Variants in BOD1 observed in about 807,000 individuals in gnomAD.
BOD1 encodes biorientation of chromosomes in cell division 1, also known as biorientation of chromosomes in cell division protein 1.
In BOD1, 11 loss-of-function variants were observed where a neutral mutation model predicts 15.7. The observed-to-expected ratio is 0.70, with a 90% CI of 0.44 to 1.16. The LOEUF (loss-of-function observed/expected upper bound fraction) is 1.16. BOD1 is among the 50% of genes most tolerant of loss of function. The pLI, the probability that BOD1 is intolerant of heterozygous loss-of-function variation, is 0.00. For missense variants in BOD1, 182 were observed against 244.5 expected (o/e 0.74, Z 1.70); for synonymous variants, 105 against 103.5 (o/e 1.01, Z -0.09).
chr5:173,613,190 T>A lies in BOD1; in HGVS notation c.303A>T (p.Glu101Asp). The change falls in exon 2 of 4, where the codon GAA becomes GAT. Residue 101 changes from glutamate to aspartate, a missense_variant. Transcript: ENST00000311086. Reference protein sequence around the residue: ...NFVSTHLDKQEWNPTMNKNQL... With the variant: ...NFVSTHLDKQDWNPTMNKNQL... ...GGTTTTTGTTCATCGTAGGATTCCA[T>A]TCCTGCTTGTCCAGATGTGTTGACA... The A allele has an allele frequency of 6.2e-7, 1 of 1,614,186 alleles. No individual in the cohort carries two copies. Among genetic ancestry groups the A allele is most frequent in the Admixed American group, 1.7e-5 (1 of 60,028 alleles).
At chr5:173,608,634 C>T (rs1231369010) in intron 3 of BOD1, among the ~76,000 whole-genome samples, 1 of 152,246 alleles carries the variant, frequency 6.6e-6, no homozygotes, top group Non-Finnish European at 1.5e-5. Context: ...CTGCTAACTT[C>T]ATCGCTGCTC....
chr5:173,612,877 C>T (rs10053923), intron 2 of BOD1, among the ~76,000 whole-genome samples: 15,868 of 152,254 alleles, frequency 0.1, 1,308 homozygotes, highest in African/African-American at 0.23. Flanking sequence ...AAATGTCTCA[C>T]GATTTGGAAT....
intron 2 of BOD1, among the ~76,000 whole-genome samples, chr5:173,612,319 T>C (rs1755375275): frequency 1.3e-5 from 2 of 152,206 alleles, no homozygotes; most frequent in South Asian, 2.1e-4. Context: ...TAGTGCAATA[T>C]CAAAACCAGG....
chr5:173,615,100 T>C (rs1196728255), intron 1 of BOD1, among the ~76,000 whole-genome samples: 1 of 152,232 alleles, frequency 6.6e-6, no homozygotes, highest in Non-Finnish European at 1.5e-5. Flanking sequence ...AATACAGATC[T>C]GGGATGTATA....
Position 173,613,032 on chromosome 5 carries a change from A to C in BOD1, c.362+99T>G, listed in dbSNP as rs142560932. 6.4e-4 allele frequency: 897 copies of C among 1,408,416 alleles called. 8 individuals are homozygous for C. The African/African-American group carries it at 0.012, about 18-fold the overall frequency. The allele number at this position is 1,408,416 out of a possible 1,614,324, so 87.2% of individuals were successfully genotyped here. A position where few individuals can be genotyped will look rare whatever the true frequency, so the allele number is the denominator to read the frequency against. Reference sequence around the variant, plus strand: ...GCAACTCCTAAGTGATACTTGATATAAAGTCCCATCAACCTTGACTAAACA... The same window carrying C: ...GCAACTCCTAAGTGATACTTGATATCAAGTCCCATCAACCTTGACTAAACA... On this transcript the variant is annotated intron_variant, in intron 2 of 3. Transcript: ENST00000311086.
chr5:173,613,684 CAA>C (rs966477523), intron 1 of BOD1, among the ~76,000 whole-genome samples: 1 of 152,202 alleles, frequency 6.6e-6, no homozygotes, highest in Non-Finnish European at 1.5e-5. Flanking sequence ...ATTACTGCGG[CAA>C]AGTTTGCTAA....
rs759545055 is a variant in BOD1 at position 173,609,250 on chromosome 5, C to G, written c.547G>C (p.Asp183His). 2.2e-5 allele frequency: 35 copies of G among 1,613,654 alleles called. No individual in the cohort carries two copies. In the Middle Eastern group the frequency reaches 4.9e-4, roughly 23 times the overall value. The change falls in exon 3 of 4, where the codon GAC becomes CAC. Residue 183 changes from aspartate to histidine, a missense_variant. Asp to His is a moderately conservative substitution (Grantham distance 81). Around this residue, in one of 3 missense-constraint regions of BOD1, gnomAD observed 40 missense variants for 45.3 expected, o/e 0.88. Coordinates refer to ENST00000311086, the MANE Select transcript of BOD1 (RefSeq NM_138369.3). Reference sequence around the variant, plus strand: ...TAGGATACTGGACCTTAGGAAGTGTCCTGAGATGGAGCTGGAGGGTCCTGG... The same window carrying G: ...TAGGATACTGGACCTTAGGAAGTGTGCTGAGATGGAGCTGGAGGGTCCTGG... The part of the protein sequence containing the change: ...EGQDPPAPSQ[D>H]TS
rs558481124 is a variant in BOD1 at position 173,609,591 on chromosome 5, C to T, written c.363-157G>A. 7.9e-5 allele frequency: 53 copies of T among 667,198 alleles called. 1 individual carries two copies. In the Middle Eastern group the frequency reaches 4.1e-3, roughly 51 times the overall value. 41.3% of individuals were successfully genotyped at this position (667,198 alleles called of 1,614,324 possible). On this transcript the variant is annotated intron_variant, in intron 2 of 3. Coordinates refer to ENST00000311086, the MANE Select transcript of BOD1 (RefSeq NM_138369.3). ...CAATCCACTTACCATATACAGCTCA[C>T]GCTATTTTCACTTTTGAGGGGTAAT...
chr5:173,616,577 G>C lies in BOD1; in HGVS notation c.-141C>G, dbSNP rs982576427. 1.5e-6 allele frequency: 2 copies of C among 1,371,896 alleles called. No homozygotes were observed. Among genetic ancestry groups the C allele is most frequent in the African/African-American group, 3.1e-5 (2 of 64,760 alleles). 85.0% of individuals were successfully genotyped at this position (1,371,896 alleles called of 1,614,324 possible). On this transcript the variant is annotated 5_prime_UTR_variant, in exon 1 of 4. Coordinates refer to ENST00000311086, the MANE Select transcript of BOD1 (RefSeq NM_138369.3). ...AGCGGCGGAGGTGGCGATGGCGGCAGGGGCGGTGGTGGGGGCGGCGGCGGC... is the reference window on the plus strand; with the variant it reads ...AGCGGCGGAGGTGGCGATGGCGGCACGGGCGGTGGTGGGGGCGGCGGCGGC...
Position 173,616,569 on chromosome 5 carries a change from T to TGGCGGCAGGGGCGGTGGTGGGGGC in BOD1, c.-157_-134dup. On this transcript the variant is annotated 5_prime_UTR_variant, in exon 1 of 4. Transcript: ENST00000311086. Reference sequence around the variant, plus strand: ...AAGGCGGCAGCGGCGGAGGTGGCGATGGCGGCAGGGGCGGTGGTGGGGGCG... The same window carrying TGGCGGCAGGGGCGGTGGTGGGGGC: ...AAGGCGGCAGCGGCGGAGGTGGCGATGGCGGCAGGGGCGGTGGTGGGGGCGGCGGCAGGGGCGGTGGTGGGGGCG... 1.5e-6 allele frequency: 2 copies of TGGCGGCAGGGGCGGTGGTGGGGGC among 1,376,646 alleles called. No individual in the cohort carries two copies. Among genetic ancestry groups the TGGCGGCAGGGGCGGTGGTGGGGGC allele is most frequent in the Non-Finnish European group, 1.9e-6 (2 of 1,071,738 alleles). The allele number at this position is 1,376,646 out of a possible 1,614,324, so 85.3% of individuals were successfully genotyped here.
In BOD1 at chr5:173,607,959, A is replaced by G. The variant is rs1270642622; in HGVS notation, c.*335T>C. The G allele has an allele frequency of 2.9e-6, 1 of 340,460 alleles. No homozygotes were observed. 21.1% of individuals were successfully genotyped at this position (340,460 alleles called of 1,614,324 possible). The stretch of plus-strand genomic sequence containing the variant: ...TAGCTTCCGTTTATCCCACAGCACA[A>G]ACCCTAAAGTCCATGTGCAGTCTCC... On this transcript the variant is annotated 3_prime_UTR_variant, in exon 4 of 4. Coordinates refer to ENST00000311086, the MANE Select transcript of BOD1 (RefSeq NM_138369.3).
In BOD1 at chr5:173,616,488, C is replaced by G. The variant is rs1393447444; in HGVS notation, c.-52G>C. 3.2e-6 allele frequency: 5 copies of G among 1,549,834 alleles called. No individual in the cohort carries two copies. The highest frequency in any genetic ancestry group is 4.3e-6 in the Non-Finnish European group (5 of 1,159,346). ...AACGACTATAGCTTCTTCTCCAGGACAGAAGGCCTAGAACGTGTAGAGGTG... is the reference window on the plus strand; with the variant it reads ...AACGACTATAGCTTCTTCTCCAGGAGAGAAGGCCTAGAACGTGTAGAGGTG... On this transcript the variant is annotated 5_prime_UTR_variant, in exon 1 of 4. Transcript: ENST00000311086.
intron 2 of BOD1, among the ~76,000 whole-genome samples, chr5:173,611,542 AAAAC>A (rs550324134): frequency 0.011 from 1,751 of 152,310 alleles, 35 homozygotes; most frequent in African/African-American, 0.04. Context: ...GAAAAAAAAA[AAAAC>A]AACAACTTCA....
intron 2 of BOD1, among the ~76,000 whole-genome samples, chr5:173,610,906 TCCA>T (rs1755332681): frequency 6.6e-6 from 1 of 152,144 alleles, no homozygotes; most frequent in African/African-American, 2.4e-5. Flanking sequence ...GAGCTCTCTT[TCCA>T]CCACATGAGA....
chr5:173,613,122 C>T lies in BOD1; in HGVS notation c.362+9G>A, dbSNP rs745518626. On this transcript the variant is annotated intron_variant, in intron 2 of 3. Transcript: ENST00000311086. ...GCCTTTTCAAAAGCTTTAAATTCTG[C>T]TTACTTACTGAACCACACTCTGCCT... 1.6e-5 allele frequency: 23 copies of T among 1,469,538 alleles called. No individual in the cohort carries two copies. Among genetic ancestry groups the T allele is most frequent in the South Asian group, 2.4e-5 (2 of 82,496 alleles). The allele number at this position is 1,469,538 out of a possible 1,614,324, so 91.0% of individuals were successfully genotyped here.
Position 173,609,332 on chromosome 5 carries a change from C to T in BOD1, c.465G>A (p.Glu155=), listed in dbSNP as rs1440071092. 3.7e-6 allele frequency: 6 copies of T among 1,614,222 alleles called. No homozygotes were observed. The highest frequency in any genetic ancestry group is 5.1e-6 in the Non-Finnish European group (6 of 1,180,042). Reference sequence around the variant, plus strand: ...CTGCTTTTTTCTGGGCCGCCAGGAACTCATGAATTGCTCGTTCTATTTGTG... The same window carrying T: ...CTGCTTTTTTCTGGGCCGCCAGGAATTCATGAATTGCTCGTTCTATTTGTG... ...FRPQIERAIH[E]FLAAQKKAAV... is the part of the protein sequence containing the mutation. The change falls in exon 3 of 4, where the codon GAG becomes GAA. Residue 155 remains glutamate (E), a synonymous_variant. Transcript: ENST00000311086.
intron 2 of BOD1, chr5:173,609,826 A>G (rs900083392): frequency 5.5e-6 from 1 of 183,350 alleles, no homozygotes; most frequent in African/African-American, 2.4e-5. Context: ...ATTTCCTTCA[A>G]CATTTATTCT....
intron 1 of BOD1, among the ~76,000 whole-genome samples, chr5:173,615,803 A>G (rs1169827534): frequency 2.0e-5 from 3 of 152,220 alleles, no homozygotes; most frequent in Non-Finnish European, 4.4e-5. Context: ...GTGTGTTCAA[A>G]TCATTGTGTT....
chr5:173,609,780 G>A (rs770522894), intron 2 of BOD1: 31 of 233,972 alleles, frequency 1.3e-4, no homozygotes, highest in East Asian at 2.1e-4. Context: ...AAGCTTCCTC[G>A]TACTGTCAAA....
Sources: gnomAD v4.1 joint callset for allele counts (sites outside exome capture counted in the v4.1 genomes callset) on GRCh38, gnomAD v4.1.1 for gene constraint, gnomAD v4.1.1 regional missense constraint, MANE v1.5 for transcripts, NCBI Gene and HGNC (gene_info 2026-07-23, HGNC 2026-07-21) for gene names.